Variants in FAT2 observed in about 807,000 individuals in gnomAD.
FAT2 encodes FAT atypical cadherin 2.
In FAT2, 150 loss-of-function variants were observed where a neutral mutation model predicts 295.3. That is an observed-to-expected ratio of 0.51 (90% CI 0.44 to 0.58). The LOEUF is 0.58. Among genes scored for constraint, FAT2 ranks in the 20% least tolerant of loss-of-function variants. The pLI is 0.00. For synonymous variants in FAT2, 2,026 were observed against 2,150.3 expected (o/e 0.94, Z 1.60); for missense variants, 4,868 against 5,442.7 (o/e 0.89, Z 3.32).
chr5:151,537,576 A>C (rs965257185), intron 12 of FAT2, among the ~76,000 whole-genome samples: 1 of 152,214 alleles, frequency 6.6e-6, no homozygotes, highest in Non-Finnish European at 1.5e-5. Flanking sequence ...CCACTGATTC[A>C]ATGACCCCCT....
chr5:151,544,948 A>G lies in FAT2; in HGVS notation c.6179T>C (p.Ile2060Thr), dbSNP rs756139664. The G allele has an allele frequency of 9.9e-6, 16 of 1,614,192 alleles. No individual in the cohort carries two copies. The highest frequency in any genetic ancestry group is 1.6e-4 in the Middle Eastern group (1 of 6,062). Residue 2060 changes from isoleucine (I) to threonine (T), a missense_variant, in exon 10 of 24, where the codon ATT (isoleucine) becomes ACT (threonine). Physicochemically the swap from Ile to Thr is moderately conservative, Grantham distance 89. Around this residue, in one of 5 missense-constraint regions of FAT2, gnomAD observed 3,297 missense variants for 3,669.4 expected, o/e 0.90. Coordinates refer to ENST00000261800, the MANE Select transcript of FAT2 (RefSeq NM_001447.3). Reference sequence around the variant, plus strand: ...GGGGGGATTGTCATTGACATCCTCAATAGAGACTCTGACCAAACCCTGAGC... The same window carrying G: ...GGGGGGATTGTCATTGACATCCTCAGTAGAGACTCTGACCAAACCCTGAGC... ...RVAQGLVRVS[I>T]EDVNDNPPKF... is the part of the protein sequence containing the mutation.
In FAT2 at chr5:151,543,633, G is replaced by C. The variant is rs761245512; in HGVS notation, c.7494C>G (p.Thr2498=). The C allele has an allele frequency of 1.2e-6, 2 of 1,614,108 alleles. No individual in the cohort carries two copies. The highest frequency in any genetic ancestry group is 2.2e-5 in the East Asian group (1 of 44,878). Residue 2498 remains threonine, a synonymous_variant, in exon 10 of 24, where the codon ACC becomes ACG. Coordinates refer to ENST00000261800, the MANE Select transcript of FAT2 (RefSeq NM_001447.3). ...AELAENAMVG[T]KVIDLLAIDK... Reference sequence around the variant, plus strand: ...CTATGGCTAGCAAATCAATCACCTTGGTTCCAACCATTGCATTCTCTGCTA... The same window carrying C: ...CTATGGCTAGCAAATCAATCACCTTCGTTCCAACCATTGCATTCTCTGCTA...
intron 1 of FAT2, among the ~76,000 whole-genome samples, chr5:151,578,506 AGACAC>A (rs1199291329): frequency 6.6e-6 from 1 of 152,234 alleles, no homozygotes; most frequent in Admixed American, 6.5e-5. Context: ...GGGAACCATC[AGACAC>A]TGTCAGTGGA....
chr5:151,577,012 G>A (rs60146992), intron 1 of FAT2, among the ~76,000 whole-genome samples: 2,949 of 152,264 alleles, frequency 0.019, 97 homozygotes, highest in African/African-American at 0.068. Flanking sequence ...TACAGTAAAA[G>A]TATGGTATTA....
intron 12 of FAT2, among the ~76,000 whole-genome samples, chr5:151,537,509 GAATAA>G (rs3841552): frequency 0.075 from 11,451 of 152,000 alleles, 715 homozygotes; most frequent in East Asian, 0.19. Flanking sequence ...AATTTTAAAA[GAATAA>G]AATAAATCCC....
rs756278601 is a variant in FAT2 at position 151,579,424 on chromosome 5, T to G, written c.-20-10473A>C. Among the ~76,000 whole-genome samples the G allele has an allele frequency of 2.0e-5, 3 of 152,178 alleles. 1 individual carries two copies. The South Asian group carries it at 6.2e-4, about 32-fold the overall frequency. On this transcript the variant is annotated intron_variant, in intron 1 of 23. Transcript: ENST00000261800. ...CCATCTCTACAAAACATTTAAAAAT[T>G]AGCCAGGTGTGGTGATTTGCATCTG...
intron 8 of FAT2, among the ~76,000 whole-genome samples, chr5:151,549,738 GAA>G (rs1757002713): frequency 6.6e-6 from 1 of 152,106 alleles, no homozygotes; most frequent in Admixed American, 6.5e-5. Context: ...TATTTTAGGA[GAA>G]AGACAGAAAT....
chr5:151,590,029 T>G lies in FAT2; in HGVS notation c.-21+1136A>C, dbSNP rs73275815. On this transcript the variant is annotated intron_variant, in intron 1 of 23. Coordinates refer to ENST00000261800, the MANE Select transcript of FAT2 (RefSeq NM_001447.3). ...ACACAGCCTGTGAGTCACAGAGACATGATTAATGAAATTCTCTTCCCACTC... is the reference window on the plus strand; with the variant it reads ...ACACAGCCTGTGAGTCACAGAGACAGGATTAATGAAATTCTCTTCCCACTC... Among the ~76,000 whole-genome samples, 811 of 152,280 alleles carry G rather than the reference T, an allele frequency of 5.3e-3. 10 individuals are homozygous for G. The highest frequency in any genetic ancestry group is 0.019 in the African/African-American group (789 of 41,550).
intron 20 of FAT2, among the ~76,000 whole-genome samples, chr5:151,516,992 C>G (rs1373832286): frequency 1.3e-5 from 2 of 151,850 alleles, no homozygotes; most frequent in Non-Finnish European, 1.5e-5. Context: ...CCTGTAATCC[C>G]AACTACTCGG....
At position 151,546,252 on chromosome 5, in the gene FAT2, T is replaced by G. The variant is rs746430818; in HGVS notation, c.4875A>C (p.Pro1625=). ...AQKLDQANHA[P]HTLTVKAEDQ... ...CTTCTGCCTTCACTGTCAGAGTATG[T>G]GGGGCATGATTTGCCTGATCAAGCT... Residue 1625 remains proline, a synonymous_variant, in exon 10 of 24, where the codon CCA becomes CCC. Transcript: ENST00000261800. 1.2e-6 allele frequency: 2 copies of G among 1,614,136 alleles called. No homozygotes were observed. Among genetic ancestry groups the G allele is most frequent in the Non-Finnish European group, 1.7e-6 (2 of 1,180,008 alleles).
rs747020881 is a variant in FAT2 at position 151,566,118 on chromosome 5, C to A, written c.2814G>T (p.Leu938=). 9 of 1,614,158 alleles carry A rather than the reference C, an allele frequency of 5.6e-6. No individual in the cohort carries two copies. Among genetic ancestry groups the A allele is most frequent in the South Asian group, 2.2e-5 (2 of 91,066 alleles). ...GAAATGTCAAGACAGTCCCGGGGGG[C>A]AGGTCCTCTGGAACCTTCAGCCTGT... is the stretch of plus-strand genomic sequence containing the variant. The part of the protein sequence containing the change: ...EHNRLKVPED[L]PPGTVLTFLD... Residue 938 remains leucine, a synonymous_variant, in exon 2 of 24, where the codon CTG becomes CTT. Coordinates refer to ENST00000261800, the MANE Select transcript of FAT2 (RefSeq NM_001447.3).
intron 18 of FAT2, 115 bp downstream of exon 18, chr5:151,525,653 A>T (rs1442513939): frequency 9.6e-6 from 11 of 1,148,062 alleles, no homozygotes; most frequent in Non-Finnish European, 1.4e-5. Flanking sequence ...CCAGTGCCTG[A>T]TGCATCCTAA....
Position 151,563,395 on chromosome 5 carries a change from G to A in FAT2, c.3504C>T (p.Ser1168=), listed in dbSNP as rs760046735. Residue 1168 remains serine, a synonymous_variant, in exon 3 of 24, where the codon TCC becomes TCT. Transcript: ENST00000261800. Reference sequence around the variant, plus strand: ...TGATGTTGAAGGTCAGCTTCCCTTTGGAGCTGGAGTCTGGGTCCCAGGCAT... The same window carrying A: ...TGATGTTGAAGGTCAGCTTCCCTTTAGAGCTGGAGTCTGGGTCCCAGGCAT... ...QLDAWDPDSS[S]KGKLTFNITS... The A allele has an allele frequency of 2.2e-5, 36 of 1,614,116 alleles. No individual in the cohort carries two copies. Among genetic ancestry groups the A allele is most frequent in the Non-Finnish European group, 3.1e-5 (36 of 1,180,048 alleles).
chr5:151,574,053 G>A (rs1758647375), intron 1 of FAT2, among the ~76,000 whole-genome samples: 1 of 152,042 alleles, frequency 6.6e-6, no homozygotes, highest in South Asian at 2.1e-4. Context: ...CATGCCTATG[G>A]TCTCTATCAG....
intron 11 of FAT2, 33 bp from the exon 12 acceptor site, chr5:151,537,979 G>A (rs1755640909): frequency 6.2e-7 from 1 of 1,604,468 alleles, no homozygotes; most frequent in Non-Finnish European, 8.5e-7. Context: ...GAGGGAGACT[G>A]TGGGGACTGC....
intron 1 of FAT2, among the ~76,000 whole-genome samples, chr5:151,570,485 T>C (rs1758478488): frequency 1.3e-5 from 2 of 152,250 alleles, no homozygotes; most frequent in Non-Finnish European, 2.9e-5. Flanking sequence ...GAACTGATCA[T>C]GAATAAATGC....
chr5:151,586,272 C>T (rs752453440), intron 1 of FAT2, among the ~76,000 whole-genome samples: 32 of 152,346 alleles, frequency 2.1e-4, no homozygotes, highest in South Asian at 1.0e-3. Flanking sequence ...CCAACTGCTG[C>T]GGGCACTGGA....
chr5:151,571,520 G>T (rs1172681312), intron 1 of FAT2, among the ~76,000 whole-genome samples: 1 of 152,226 alleles, frequency 6.6e-6, no homozygotes, highest in Non-Finnish European at 1.5e-5. Context: ...GTTAAGATGA[G>T]CTGTAGGGAA....
intron 21 of FAT2, chr5:151,511,962 GAT>G (rs1289891481): frequency 1.5e-5 from 9 of 591,264 alleles, no homozygotes; most frequent in Non-Finnish European, 2.4e-5. Context: ...GAAGTAGAAA[GAT>G]AGTTTTTGTT....
Sources: gnomAD v4.1 joint callset for allele counts (sites outside exome capture counted in the v4.1 genomes callset) on GRCh38, gnomAD v4.1.1 for gene constraint, gnomAD v4.1.1 regional missense constraint, MANE v1.5 for transcripts, NCBI Gene and HGNC (gene_info 2026-07-23, HGNC 2026-07-21) for gene names.